Variants in CACNA2D3 observed in about 807,000 individuals in gnomAD.
The protein encoded by CACNA2D3 is voltage-dependent calcium channel subunit alpha-2/delta-3.
Under a neutral mutation model 160.6 loss-of-function variants are expected in CACNA2D3, and 60 were observed. That is an observed-to-expected ratio of 0.37 (90% CI 0.30 to 0.46). The LOEUF is 0.46. CACNA2D3 is among the 20% of genes least tolerant of loss of function. The pLI, the probability that CACNA2D3 is intolerant of heterozygous loss-of-function variation, is 1.00. For synonymous variants in CACNA2D3, 558 were observed against 492.9 expected, an observed-to-expected ratio of 1.13 and a Z score of -1.75; for missense variants, 1,205 against 1,365.0, an observed-to-expected ratio of 0.88 and a Z score of 1.85.
At chr3:54,719,272 G>A (rs1701125136) in intron 11 of CACNA2D3, among the ~76,000 whole-genome samples, 1 of 149,796 alleles carries the variant, frequency 6.7e-6, no homozygotes, top group African/African-American at 2.5e-5. Flanking sequence ...GCTTTTACTA[G>A]TTTTACCATT....
rs533660730 is a variant in CACNA2D3 at position 54,914,541 on chromosome 3, A to G, written c.2449+14673A>G. Among the ~76,000 whole-genome samples the G allele has an allele frequency of 1.3e-4, 20 of 152,334 alleles. No individual in the cohort carries two copies. The South Asian group carries it at 2.1e-3, about 16-fold the overall frequency. ...TCAGTGTGATTGGAGTAAAACGTAG[A>G]TATGAGTAGTCCAGTTAAGAATCTG... is the stretch of plus-strand genomic sequence containing the variant. On this transcript the variant is annotated intron_variant, in intron 27 of 37. Coordinates refer to ENST00000474759, the MANE Select transcript of CACNA2D3 (RefSeq NM_018398.3).
At chr3:54,780,643 T>C (rs1702515519) in intron 13 of CACNA2D3, among the ~76,000 whole-genome samples, 2 of 152,240 alleles carry the variant, frequency 1.3e-5, no homozygotes, top group Non-Finnish European at 2.9e-5. Flanking sequence ...AAATGCTCTC[T>C]GCTTTTAATT....
At chr3:54,184,790 G>T (rs1487723033) in intron 2 of CACNA2D3, among the ~76,000 whole-genome samples, 1 of 152,240 alleles carries the variant, frequency 6.6e-6, no homozygotes, top group Non-Finnish European at 1.5e-5. Context: ...GAGGGAGGTT[G>T]CCTCTGGAAC....
intron 4 of CACNA2D3, among the ~76,000 whole-genome samples, chr3:54,450,808 C>G (rs886947664): frequency 6.6e-6 from 1 of 152,198 alleles, no homozygotes; most frequent in South Asian, 2.1e-4. Context: ...ATAATCAACT[C>G]AAAAGGTCCC....
chr3:54,205,524 G>A (rs931845047), intron 2 of CACNA2D3, among the ~76,000 whole-genome samples: 14 of 152,220 alleles, frequency 9.2e-5, no homozygotes, highest in Non-Finnish European at 1.9e-4. Context: ...ATTATTGAAT[G>A]TTTTGAAAAT....
chr3:54,885,531 G>A lies in CACNA2D3; in HGVS notation c.2001G>A (p.Leu667=). The change falls in exon 23 of 38, where the codon CTG becomes CTA. Residue 667 remains leucine, a synonymous_variant. Transcript: ENST00000474759. ...ACCTACACCCTGAGCACCGCCATCT[G>A]TCTCAGTTAGAAGCGATTAAGCTCT... ...NTDLHPEHRH[L]SQLEAIKLYL... is the part of the protein sequence containing the mutation. The A allele has an allele frequency of 6.2e-7, 1 of 1,613,758 alleles. No homozygotes were observed. Among genetic ancestry groups the A allele is most frequent in the Non-Finnish European group, 8.5e-7 (1 of 1,179,804 alleles).
Position 54,388,086 on chromosome 3 carries a change from G to A in CACNA2D3, c.381+1312G>A, listed in dbSNP as rs1562684. Among the ~76,000 whole-genome samples the A allele has an allele frequency of 8.4e-3, 1,285 of 152,222 alleles. 16 individuals are homozygous for A. The highest frequency in any genetic ancestry group is 0.029 in the African/African-American group (1,203 of 41,522). On this transcript the variant is annotated intron_variant, in intron 4 of 37. Transcript: ENST00000474759. ...AGGAAATATTTTCAAATGTATACTC[G>A]GGGTTAAGTGAAACCAACATGCAGT...
intron 13 of CACNA2D3, among the ~76,000 whole-genome samples, chr3:54,782,701 GA>G (rs1021693086): frequency 2.7e-5 from 4 of 146,634 alleles, no homozygotes; most frequent in Admixed American, 6.8e-5. Context: ...TTGAGAAAAA[GA>G]AAAAAAAAAG....
At chr3:54,367,662 C>T (rs1369130886) in intron 3 of CACNA2D3, 1 of 255,842 alleles carries the variant, frequency 3.9e-6, no homozygotes, top group Non-Finnish European at 8.2e-6. Flanking sequence ...ACTTAGTGCC[C>T]AGTAGAGCTC....
chr3:54,402,698 C>T (rs1296126792), intron 4 of CACNA2D3, among the ~76,000 whole-genome samples: 1 of 152,072 alleles, frequency 6.6e-6, no homozygotes, highest in Non-Finnish European at 1.5e-5. Context: ...TTTAATATCC[C>T]ACTTTCAACA....
At chr3:54,731,690 C>T (rs970348335) in intron 11 of CACNA2D3, among the ~76,000 whole-genome samples, 2 of 152,034 alleles carry the variant, frequency 1.3e-5, no homozygotes, top group Non-Finnish European at 2.9e-5. Context: ...TAAGGAAATA[C>T]CTACAAATTC....
chr3:54,463,616 G>C (rs1700551144), intron 4 of CACNA2D3, among the ~76,000 whole-genome samples: 1 of 152,148 alleles, frequency 6.6e-6, no homozygotes, highest in Non-Finnish European at 1.5e-5. Flanking sequence ...TTGGCTTTCA[G>C]CTCCATCAGC....
In CACNA2D3 at chr3:54,896,891, C is replaced by T. The variant is rs374037871; in HGVS notation, c.2368+21C>T. ...CACTGGTGGGTGCCCTTGTTGGAGGCGGGCTCTGTCTGTCTGGTCCAGTGG... is the reference window on the plus strand; with the variant it reads ...CACTGGTGGGTGCCCTTGTTGGAGGTGGGCTCTGTCTGTCTGGTCCAGTGG... On this transcript the variant is annotated intron_variant, in intron 26 of 37. Transcript: ENST00000474759. The T allele has an allele frequency of 1.2e-5, 19 of 1,613,560 alleles. 1 individual carries two copies. The highest frequency in any genetic ancestry group is 5.5e-5 in the South Asian group (5 of 91,062).
At chr3:54,249,558 T>TACAC (rs149515122) in intron 2 of CACNA2D3, among the ~76,000 whole-genome samples, 2,880 of 123,848 alleles carry the variant, frequency 0.023, 112 homozygotes, top group Middle Eastern at 0.041. Context: ...TCTGTTTACG[T>TACAC]ACACACACAC....
At chr3:54,421,904 A>G (rs1042258697) in intron 4 of CACNA2D3, among the ~76,000 whole-genome samples, 10 of 152,142 alleles carry the variant, frequency 6.6e-5, no homozygotes, top group African/African-American at 2.4e-4. Context: ...CTGTGTTTCC[A>G]ACAGCAGGTG....
chr3:54,605,079 T>G (rs1258592513), intron 9 of CACNA2D3, among the ~76,000 whole-genome samples: 1 of 152,150 alleles, frequency 6.6e-6, no homozygotes, highest in African/African-American at 2.4e-5. Flanking sequence ...TCTTTGGTGT[T>G]CTCTGGCTTG....
Position 54,309,912 on chromosome 3 carries a change from ATCCTCTCTGCT to A in CACNA2D3, c.205-10517_205-10507del, listed in dbSNP as rs1165818096. ...AAGTAGGGGCTGAGCCACTCCCTGC[ATCCTCTCTGCT>A]TCCTCTCTGCTTGCAGTTCAGTGCC... On this transcript the variant is annotated intron_variant, in intron 2 of 37. Transcript: ENST00000474759. Among the ~76,000 whole-genome samples the A allele has an allele frequency of 2.0e-5, 3 of 151,812 alleles. No homozygotes were observed. In the South Asian group the frequency reaches 6.2e-4, roughly 32 times the overall value.
intron 31 of CACNA2D3, among the ~76,000 whole-genome samples, chr3:54,996,228 G>A (rs1044729875): frequency 6.6e-6 from 1 of 152,226 alleles, no homozygotes; most frequent in Non-Finnish European, 1.5e-5. Context: ...CCCAGAATCA[G>A]CTCTCCTGCT....
chr3:55,007,381 G>A (rs1259603154), intron 32 of CACNA2D3, among the ~76,000 whole-genome samples: 1 of 152,186 alleles, frequency 6.6e-6, no homozygotes, highest in Non-Finnish European at 1.5e-5. Flanking sequence ...CAGTGATGGA[G>A]AACAGGGAAT....
Sources: gnomAD v4.1 joint callset for allele counts (sites outside exome capture counted in the v4.1 genomes callset) on GRCh38, gnomAD v4.1.1 for gene constraint, MANE v1.5 for transcripts, NCBI Gene and HGNC (gene_info 2026-07-23, HGNC 2026-07-21) for gene names.